LYZL1: variants seen among roughly 807,000 people sequenced by gnomAD.
LYZL1 encodes lysozyme like 1, also known as lysozyme-like protein 1.
Under a neutral mutation model 17.9 loss-of-function variants are expected in LYZL1, and 16 were observed. The ratio of observed to expected loss-of-function variants is 0.90; its 90% CI spans 0.61 to 1.36. The LOEUF (loss-of-function observed/expected upper bound fraction) is 1.36, where lower values mean the gene tolerates loss of function less well. Among genes scored for constraint, LYZL1 ranks in the 40% most tolerant of loss-of-function variants. The pLI, the probability that LYZL1 is intolerant of heterozygous loss-of-function variation, is 0.00. For synonymous variants in LYZL1, 58 were observed against 71.8 expected, an observed-to-expected ratio of 0.81 and a Z score of 0.97; for missense variants, 149 against 188.4, an observed-to-expected ratio of 0.79 and a Z score of 1.22.
intron 4 of LYZL1, among the ~76,000 whole-genome samples, chr10:29,310,768 A>G (rs1377537197): frequency 6.6e-6 from 1 of 152,242 alleles, no homozygotes; most frequent in East Asian, 1.9e-4. Flanking sequence ...CCATCCTTAC[A>G]AAAGTTGATT....
intron 3 of LYZL1, 43 bp from the exon 4 acceptor site, chr10:29,310,067 C>T: frequency 6.9e-7 from 1 of 1,445,606 alleles, no homozygotes; most frequent in East Asian, 2.3e-5. Flanking sequence ...CCCTCTCCAA[C>T]AACAAAGTCT....
At chr10:29,293,399 G>A (rs777960701) in intron 3 of LYZL1, among the ~76,000 whole-genome samples, 36 of 152,038 alleles carry the variant, frequency 2.4e-4, no homozygotes, top group African/African-American at 2.9e-4. Context: ...GCCTCTCAGA[G>A]TGCTATAGTT....
chr10:29,309,052 G>A (rs2132836211), intron 3 of LYZL1, among the ~76,000 whole-genome samples: 1 of 152,168 alleles, frequency 6.6e-6, no homozygotes, highest in South Asian at 2.1e-4. Context: ...CCCTAGACTG[G>A]GTGCGATGGC....
chr10:29,305,949 C>G (rs74893399), intron 3 of LYZL1, among the ~76,000 whole-genome samples: 1 of 152,154 alleles, frequency 6.6e-6, no homozygotes, highest in Non-Finnish European at 1.5e-5. Context: ...TTACAATGTT[C>G]TACTGAAATG....
chr10:29,291,006 A>G (rs183090542), intron 1 of LYZL1, among the ~76,000 whole-genome samples: 6 of 152,264 alleles, frequency 3.9e-5, no homozygotes, highest in Non-Finnish European at 8.8e-5. Context: ...CGTGTCTTTC[A>G]TCTGTGGCTG....
intron 3 of LYZL1, among the ~76,000 whole-genome samples, chr10:29,306,820 GT>G: frequency 7.1e-6 from 1 of 141,364 alleles, no homozygotes; most frequent in Non-Finnish European, 1.5e-5. Context: ...GTGTGTGTGT[GT>G]GTGTGTGTGA....
At chr10:29,298,724 G>A (rs769790236) in intron 3 of LYZL1, among the ~76,000 whole-genome samples, 6 of 152,152 alleles carry the variant, frequency 3.9e-5, no homozygotes, top group Non-Finnish European at 7.3e-5. Flanking sequence ...GATGATCCCA[G>A]GATGAGCTTT....
downstream of LYZL1, among the ~76,000 whole-genome samples, chr10:29,314,932 T>A (rs1835712455): frequency 6.6e-6 from 1 of 152,176 alleles, no homozygotes; most frequent in Admixed American, 6.5e-5. Context: ...TCCTAGTTCC[T>A]TTACGAACAG....
chr10:29,289,740 C>T (rs1297544101), intron 1 of LYZL1, among the ~76,000 whole-genome samples: 3 of 152,110 alleles, frequency 2.0e-5, no homozygotes, highest in East Asian at 1.9e-4. Flanking sequence ...TCTTAAACCT[C>T]GTTTGTCTGT....
intron 3 of LYZL1, among the ~76,000 whole-genome samples, chr10:29,316,397 G>T (rs913234949): frequency 6.6e-6 from 1 of 152,198 alleles, no homozygotes; most frequent in Non-Finnish European, 1.5e-5. Flanking sequence ...AGAAGCTAAT[G>T]AAGAGAGTCT....
chr10:29,299,749 T>A (rs187951571), intron 3 of LYZL1, among the ~76,000 whole-genome samples: 239 of 152,340 alleles, frequency 1.6e-3, no homozygotes, highest in Non-Finnish European at 2.2e-3. Context: ...ACTCTCACTT[T>A]CTTTGGGGAA....
At position 29,300,347 on chromosome 10, in the gene LYZL1, G is replaced by A. The variant is rs192889367; in HGVS notation, c.298+7670G>A. On this transcript the variant is annotated intron_variant, in intron 3 of 4. Transcript: ENST00000649382. ...AGGGTTTCCAATAGGCATCATTATC[G>A]TATTACATTCTACCCTCAAATAACA... Among the ~76,000 whole-genome samples, 651 of 151,714 alleles carry A rather than the reference G, an allele frequency of 4.3e-3. 6 individuals carry two copies. Among genetic ancestry groups the A allele is most frequent in the African/African-American group, 0.014 (589 of 41,348 alleles).
At chr10:29,307,373 C>A (rs1160937306) in intron 3 of LYZL1, among the ~76,000 whole-genome samples, 2 of 152,170 alleles carry the variant, frequency 1.3e-5, no homozygotes, top group Non-Finnish European at 2.9e-5. Flanking sequence ...ATTTGTCTTT[C>A]TGGGTCTTCC....
chr10:29,300,596 C>A (rs965277992), intron 3 of LYZL1, among the ~76,000 whole-genome samples: 2 of 151,986 alleles, frequency 1.3e-5, no homozygotes, highest in East Asian at 1.9e-4. Flanking sequence ...ACTCTTCATT[C>A]CTTTGGTGGA....
chr10:29,305,125 C>A (rs148978776), intron 3 of LYZL1, among the ~76,000 whole-genome samples: 3 of 152,034 alleles, frequency 2.0e-5, no homozygotes, highest in Admixed American at 1.3e-4. Flanking sequence ...CTCTAGAGAC[C>A]GCCCCAAACC....
At chr10:29,292,131 G>A in intron 2 of LYZL1, 125 bp downstream of exon 2, 2 of 1,352,306 alleles carry the variant, frequency 1.5e-6, no homozygotes, top group Non-Finnish European at 1.0e-6. Context: ...CGCACTCAGG[G>A]GTGGCTGCTA....
downstream of LYZL1, among the ~76,000 whole-genome samples, chr10:29,312,608 C>G (rs1835686712): frequency 6.6e-6 from 1 of 152,158 alleles, no homozygotes; most frequent in Non-Finnish European, 1.5e-5. Context: ...TGGCTAGGAA[C>G]TTGGTGACCC....
chr10:29,291,782 C>A lies in LYZL1; in HGVS notation c.-25-61C>A, dbSNP rs1393879568. On this transcript the variant is annotated intron_variant, in intron 1 of 4. Transcript: ENST00000649382. ...TAGGCAGGGCTGTGCACAGTCACCACCGCTGGATTTCAAAGTTCCTGAACC... is the reference window on the plus strand; with the variant it reads ...TAGGCAGGGCTGTGCACAGTCACCAACGCTGGATTTCAAAGTTCCTGAACC... 4.5e-3 allele frequency: 6,842 copies of A among 1,507,110 alleles called. 376 individuals carry two copies. Among genetic ancestry groups the A allele is most frequent in the South Asian group, 0.014 (1,079 of 79,654 alleles). The allele number at this position is 1,507,110 out of a possible 1,614,324, so 93.4% of individuals were successfully genotyped here. A position where few individuals can be genotyped will look rare whatever the true frequency, so the allele number is the denominator to read the frequency against.
At chr10:29,306,549 C>CAAAAAAAAAAAAAAAAAAAAA (rs58001118) in intron 3 of LYZL1, among the ~76,000 whole-genome samples, 1 of 48,794 alleles carries the variant, frequency 2.0e-5, no homozygotes, top group African/African-American at 9.5e-5. Flanking sequence ...GACTCCGTCT[C>CAAAAAAAAAAAAAAAAAAAAA]AAAAAAAAAA....
Sources: gnomAD v4.1 joint callset for allele counts (sites outside exome capture counted in the v4.1 genomes callset) on GRCh38, gnomAD v4.1.1 for gene constraint, MANE v1.5 for transcripts, NCBI Gene and HGNC (gene_info 2026-07-23, HGNC 2026-07-21) for gene names.